Variants in FCHSD2 observed in about 807,000 individuals in gnomAD.
The protein encoded by FCHSD2 is F-BAR and double SH3 domains protein 2.
Under a neutral mutation model 108.1 loss-of-function variants are expected in FCHSD2, and 38 were observed. That is an observed-to-expected ratio of 0.35 (90% CI 0.27 to 0.46). The LOEUF (loss-of-function observed/expected upper bound fraction) is 0.46, where lower values mean the gene tolerates loss of function less well. FCHSD2 is among the 20% of genes least tolerant of loss of function. The pLI is 1.00. For missense variants in FCHSD2, 751 were observed against 897.8 expected, an observed-to-expected ratio of 0.84 and a Z score of 2.09; for synonymous variants, 279 against 314.7, an observed-to-expected ratio of 0.89 and a Z score of 1.20.
chr11:72,846,100 T>A (rs1296096074), intron 14 of FCHSD2, among the ~76,000 whole-genome samples: 1 of 150,042 alleles, frequency 6.7e-6, no homozygotes, highest in East Asian at 2.0e-4. Flanking sequence ...AGATAAGTAG[T>A]TACGATTACT....
At chr11:73,070,348 A>T (rs1859404000) in intron 3 of FCHSD2, among the ~76,000 whole-genome samples, 1 of 152,094 alleles carries the variant, frequency 6.6e-6, no homozygotes. Flanking sequence ...ATATATCCCA[A>T]CCTTCTCTTG....
At chr11:73,049,549 G>C (rs1234954011) in intron 3 of FCHSD2, among the ~76,000 whole-genome samples, 1 of 131,460 alleles carries the variant, frequency 7.6e-6, no homozygotes. Flanking sequence ...TCGGGGGAGG[G>C]GGGAGGGATA....
In FCHSD2 at chr11:73,141,954, G is replaced by A. The variant is rs1861259580; in HGVS notation, c.-77C>T. The A allele has an allele frequency of 7.0e-7, 1 of 1,426,438 alleles. No homozygotes were observed. Among genetic ancestry groups the A allele is most frequent in the South Asian group, 1.2e-5 (1 of 80,546 alleles). The allele number at this position is 1,426,438 out of a possible 1,614,324, so 88.4% of individuals were successfully genotyped here. A position where few individuals can be genotyped will look rare whatever the true frequency, so the allele number is the denominator to read the frequency against. ...GAGGAGGAGGAGGGCCGGAGAGGAG[G>A]GGACGGCCCAGCGAGCGCGCGCGTG... is the stretch of plus-strand genomic sequence containing the variant. On this transcript the variant is annotated 5_prime_UTR_variant, in exon 1 of 20. Transcript: ENST00000409418.
chr11:73,026,466 A>G (rs950941572), intron 3 of FCHSD2, among the ~76,000 whole-genome samples: 2 of 152,344 alleles, frequency 1.3e-5, no homozygotes, highest in South Asian at 4.1e-4. Flanking sequence ...CATATCATAT[A>G]CCTTAAATAT....
chr11:72,978,903 C>A (rs1193510235), intron 8 of FCHSD2, among the ~76,000 whole-genome samples: 1 of 137,766 alleles, frequency 7.3e-6, no homozygotes, highest in Admixed American at 8.1e-5. Context: ...GTCACCCAGG[C>A]TGGAGTGCAG....
At chr11:72,945,494 G>A (rs1856501611) in intron 8 of FCHSD2, among the ~76,000 whole-genome samples, 1 of 152,142 alleles carries the variant, frequency 6.6e-6, no homozygotes. Context: ...CATGGGCAAG[G>A]ACTTCATGTC....
intron 3 of FCHSD2, among the ~76,000 whole-genome samples, chr11:73,080,550 G>A (rs1859660654): frequency 1.3e-5 from 2 of 152,100 alleles, no homozygotes; most frequent in South Asian, 4.2e-4. Flanking sequence ...ATTGAAAAGA[G>A]TAGGCTGGAG....
intron 1 of FCHSD2, among the ~76,000 whole-genome samples, chr11:73,140,528 C>T (rs60956838): frequency 6.6e-6 from 1 of 152,104 alleles, no homozygotes; most frequent in Non-Finnish European, 1.5e-5. Context: ...GGCTGGGAGC[C>T]TAAGAGTGCC....
intron 8 of FCHSD2, among the ~76,000 whole-genome samples, chr11:72,970,792 A>G (rs1168782585): frequency 7.2e-5 from 11 of 152,154 alleles, no homozygotes; most frequent in East Asian, 5.8e-4. Flanking sequence ...CTCATTTAAC[A>G]CCAATTTTGG....
At chr11:73,067,995 A>C (rs1338350646) in intron 3 of FCHSD2, among the ~76,000 whole-genome samples, 1 of 152,114 alleles carries the variant, frequency 6.6e-6, no homozygotes, top group Non-Finnish European at 1.5e-5. Flanking sequence ...GACACGAGAG[A>C]ATAAGAACCA....
At chr11:73,084,400 C>CA (rs1213827445) in intron 2 of FCHSD2, among the ~76,000 whole-genome samples, 1 of 151,744 alleles carries the variant, frequency 6.6e-6, no homozygotes, top group Non-Finnish European at 1.5e-5. Context: ...TTTCTTTTTT[C>CA]TTTTTTTAGA....
chr11:73,137,043 A>G (rs1008927621), intron 2 of FCHSD2, among the ~76,000 whole-genome samples: 1 of 152,176 alleles, frequency 6.6e-6, no homozygotes, highest in Admixed American at 6.5e-5. Flanking sequence ...CAAACAAAAA[A>G]ACATCCAAGT....
intron 18 of FCHSD2, among the ~76,000 whole-genome samples, 182 bp downstream of exon 18, chr11:72,841,272 T>C (rs764674214): frequency 2.2e-5 from 3 of 137,338 alleles, no homozygotes; most frequent in Non-Finnish European, 4.5e-5. Context: ...AATTGGTTGC[T>C]ATGAGCCGTG....
At chr11:73,111,038 T>C (rs1274893122) in intron 2 of FCHSD2, among the ~76,000 whole-genome samples, 1 of 152,174 alleles carries the variant, frequency 6.6e-6, no homozygotes, top group Admixed American at 6.5e-5. Context: ...AGAAGATACA[T>C]GCTATTATTT....
At chr11:73,072,201 A>C (rs1024668768) in intron 3 of FCHSD2, among the ~76,000 whole-genome samples, 1 of 151,502 alleles carries the variant, frequency 6.6e-6, no homozygotes, top group Non-Finnish European at 1.5e-5. Flanking sequence ...TCCTGGCCTA[A>C]CCACTAAATT....
At chr11:73,122,177 C>CAAAAA (rs544166742) in intron 2 of FCHSD2, among the ~76,000 whole-genome samples, 1 of 130,444 alleles carries the variant, frequency 7.7e-6, no homozygotes. Flanking sequence ...ACTTAAAAGG[C>CAAAAA]AAAAAAAAAA....
At chr11:73,065,858 A>G (rs1025142715) in intron 3 of FCHSD2, among the ~76,000 whole-genome samples, 3 of 152,242 alleles carry the variant, frequency 2.0e-5, no homozygotes, top group African/African-American at 7.2e-5. Context: ...AAGAGAGGAC[A>G]CAAACAAATG....
At chr11:73,130,792 TATTTAC>T (rs1860978781) in intron 2 of FCHSD2, among the ~76,000 whole-genome samples, 1 of 152,248 alleles carries the variant, frequency 6.6e-6, no homozygotes, top group African/African-American at 2.4e-5. Flanking sequence ...TGGAAGTATA[TATTTAC>T]ATTTAAATTT....
intron 8 of FCHSD2, among the ~76,000 whole-genome samples, chr11:72,959,880 G>GTGTGTGTA (rs1856791890): frequency 6.6e-6 from 1 of 151,768 alleles, no homozygotes; most frequent in South Asian, 2.1e-4. Context: ...GTGTGTGTGT[G>GTGTGTGTA]TGTGTATGTG....
Sources: gnomAD v4.1 joint callset for allele counts (sites outside exome capture counted in the v4.1 genomes callset) on GRCh38, gnomAD v4.1.1 for gene constraint, MANE v1.5 for transcripts, NCBI Gene and HGNC (gene_info 2026-07-23, HGNC 2026-07-21) for gene names.